The following EPB41L1 variants were observed in gnomAD, a reference collection of about 807,000 sequenced individuals.
EPB41L1 encodes erythrocyte membrane protein band 4.1 like 1, also known as band 4.1-like protein 1.
Under a neutral mutation model 97.8 loss-of-function variants are expected in EPB41L1, and 29 were observed. The ratio of observed to expected loss-of-function variants is 0.30; its 90% CI spans 0.22 to 0.40. EPB41L1 has a LOEUF of 0.40. Ranked by LOEUF, EPB41L1 falls within the 10% of genes least tolerant of loss-of-function variation. The probability of loss-of-function intolerance (pLI) is 1.00; values close to 1 mark genes in which losing one functional copy is unlikely to be tolerated. For synonymous variants in EPB41L1, 383 were observed against 459.2 expected (o/e 0.83, Z 2.12); for missense variants, 812 against 1,162.3 (o/e 0.70, Z 4.38).
chr20:36,115,050 C>A (rs1188995379), intron 2 of EPB41L1, among the ~76,000 whole-genome samples: 2 of 152,180 alleles, frequency 1.3e-5, no homozygotes, highest in Admixed American at 6.5e-5. Context: ...ATAACAATAG[C>A]TAATGTGCAT....
In EPB41L1 at chr20:36,173,572, C is replaced by G. The variant is rs548672223; in HGVS notation, c.-14-192C>G. Among the ~76,000 whole-genome samples the G allele has an allele frequency of 7.9e-5, 12 of 152,278 alleles. No individual in the cohort carries two copies. In the East Asian group the frequency reaches 2.3e-3, roughly 29 times the overall value. ...GTGGGAGGGGTGCCTGTGACTTCAG[C>G]CACTAACCCCTCACCTCCCATGACC... On this transcript the variant is annotated intron_variant, in intron 1 of 21. Transcript: ENST00000338074.
rs1447598597 is a variant in EPB41L1, at chr20:36,197,967, T to C, written c.1594T>C (p.Trp532Arg). 3 of 1,613,962 alleles carry C rather than the reference T, an allele frequency of 1.9e-6. No homozygotes were observed. The East Asian group carries it at 6.7e-5, about 36-fold the overall frequency. Residue 532 changes from tryptophan to arginine, a missense_variant, in exon 14 of 22, where the codon TGG becomes CGG. Physicochemically the swap from Trp to Arg is moderately radical, Grantham distance 101. Coordinates refer to ENST00000338074, the MANE Select transcript of EPB41L1 (RefSeq NM_012156.2). ...NSKLIHRDRD[W>R]ERERRLPSSP... is the part of the protein sequence containing the mutation. ...CAAACTCATCCACCGGGATCGAGAC[T>C]GGGAACGGGAGCGCAGGCTGCCCTC...
At chr20:36,159,902 T>A (rs116787775) in intron 1 of EPB41L1, among the ~76,000 whole-genome samples, 1,852 of 152,318 alleles carry the variant, frequency 0.012, 34 homozygotes, top group African/African-American at 0.043. Context: ...CCAGCTGTAA[T>A]GTGGATAGTC....
At chr20:36,139,927 C>A (rs2059571907) in intron 2 of EPB41L1, among the ~76,000 whole-genome samples, 1 of 152,050 alleles carries the variant, frequency 6.6e-6, no homozygotes, top group East Asian at 1.9e-4. Context: ...GATGGAGTTT[C>A]TCCATGTTGG....
In EPB41L1 at chr20:36,206,941, C is replaced by A. The variant is rs370703175; in HGVS notation, c.1669-2547C>A. The A allele has an allele frequency of 6.1e-5, 79 of 1,289,832 alleles. 1 individual carries two copies. In the South Asian group the frequency reaches 8.5e-4, roughly 14 times the overall value. The allele number at this position is 1,289,832 out of a possible 1,614,324, so 79.9% of individuals were successfully genotyped here. On this transcript the variant is annotated intron_variant, in intron 14 of 21. Transcript: ENST00000338074. This position sits in a 1 kb window ranked among gnomAD's most constrained non-coding sequence, Gnocchi z 5.5. The stretch of plus-strand genomic sequence containing the variant: ...GGCCTGCGCCCTTCCTCGGGCCATC[C>A]CTCTGAATGTCAGGAAGCCAGTCAA...
At chr20:36,158,877 T>C (rs1439887633) in intron 1 of EPB41L1, among the ~76,000 whole-genome samples, 1 of 152,226 alleles carries the variant, frequency 6.6e-6, no homozygotes, top group African/African-American at 2.4e-5. Context: ...GTGTTTCGAC[T>C]TGACGTGAGC....
intron 3 of EPB41L1, among the ~76,000 whole-genome samples, chr20:36,177,027 C>T (rs755328055): frequency 2.2e-4 from 34 of 152,166 alleles, no homozygotes; most frequent in Non-Finnish European, 4.0e-4. Context: ...CCTTGATGGG[C>T]CCCAAGATGC....
intron 21 of EPB41L1, among the ~76,000 whole-genome samples, chr20:36,228,834 T>C (rs756659614): frequency 2.0e-5 from 3 of 151,576 alleles, no homozygotes; most frequent in Non-Finnish European, 2.9e-5. Context: ...TCTGCAATCG[T>C]GACTAAACAT....
At chr20:36,103,913 C>G (rs1166237969) in intron 1 of EPB41L1, among the ~76,000 whole-genome samples, 1 of 152,016 alleles carries the variant, frequency 6.6e-6, no homozygotes, top group Admixed American at 6.6e-5. Flanking sequence ...ACCGTGTTAG[C>G]CAGGATGGTC....
intron 1 of EPB41L1, among the ~76,000 whole-genome samples, chr20:36,169,255 C>G (rs2060875104): frequency 6.6e-6 from 1 of 151,696 alleles, no homozygotes; most frequent in African/African-American, 2.4e-5. Flanking sequence ...AACTCCGGCT[C>G]AGAAAAGTGA....
At chr20:36,168,873 A>G (rs750753026) in intron 1 of EPB41L1, among the ~76,000 whole-genome samples, 5 of 151,570 alleles carry the variant, frequency 3.3e-5, no homozygotes, top group Non-Finnish European at 7.4e-5. Context: ...TCTCTGTGTT[A>G]TTTTCCTAAA....
At chr20:36,217,733 G>A (rs569517032) in intron 17 of EPB41L1, among the ~76,000 whole-genome samples, 6 of 152,184 alleles carry the variant, frequency 3.9e-5, no homozygotes, top group Non-Finnish European at 8.8e-5. Context: ...AGGTGCATCT[G>A]GGAACGTGCC....
At chr20:36,143,914 G>A (rs1223754173) in intron 2 of EPB41L1, among the ~76,000 whole-genome samples, 7 of 151,452 alleles carry the variant, frequency 4.6e-5, no homozygotes, top group Admixed American at 2.0e-4. Flanking sequence ...GTGCAGTGGC[G>A]CGATTTTGGC....
At chr20:36,176,449 T>A (rs145451124) in intron 3 of EPB41L1, among the ~76,000 whole-genome samples, 42 of 152,322 alleles carry the variant, frequency 2.8e-4, no homozygotes, top group African/African-American at 9.6e-4. Flanking sequence ...CTTCTCCGCA[T>A]GTGTGAAAGG....
At position 36,148,061 on chromosome 20, in the gene EPB41L1, C is replaced by G. The variant is rs558664589; in HGVS notation, c.-9-27490C>G. Among the ~76,000 whole-genome samples, 7 of 152,218 alleles carry G rather than the reference C, an allele frequency of 4.6e-5. No individual in the cohort carries two copies. The East Asian group carries it at 1.4e-3, about 29-fold the overall frequency. The stretch of plus-strand genomic sequence containing the variant: ...TCAGCCTCAGGAGTGTCCTGGCATC[C>G]TGGGTGGACTCCTGACTCCTACTTG... On this transcript the variant is annotated intron_variant, in intron 2 of 19. Transcript: ENST00000202028.
intron 21 of EPB41L1, among the ~76,000 whole-genome samples, chr20:36,225,445 G>C (rs2064071517): frequency 6.6e-6 from 1 of 152,170 alleles, no homozygotes; most frequent in East Asian, 1.9e-4. Context: ...GACCTGTATT[G>C]CCTGGGAATC....
intron 21 of EPB41L1, among the ~76,000 whole-genome samples, chr20:36,224,267 AAAG>A (rs1469065038): frequency 2.6e-5 from 4 of 152,240 alleles, no homozygotes; most frequent in African/African-American, 7.2e-5. Context: ...TAATATAAAA[AAAG>A]TAAATAATCT....
At chr20:36,158,271 C>T (rs942993817) in intron 1 of EPB41L1, among the ~76,000 whole-genome samples, 1 of 152,210 alleles carries the variant, frequency 6.6e-6, no homozygotes, top group African/African-American at 2.4e-5. Context: ...CAGTCAGATG[C>T]ATCCCTCTCC....
In EPB41L1 at chr20:36,092,673, G is replaced by C. The variant is rs187036331; in HGVS notation, c.-65+1061G>C. 6.6e-6 allele frequency: 1 copy of C among 151,814 alleles called. No individual in the cohort carries two copies. Among genetic ancestry groups the C allele is most frequent in the African/African-American group, 2.4e-5 (1 of 41,356 alleles). The allele number at this position is 151,814 out of a possible 1,614,324, so 9.4% of individuals were successfully genotyped here. On this transcript the variant is annotated intron_variant, in intron 1 of 19. Coordinates refer to the EPB41L1 transcript ENST00000202028. This position sits in a 1 kb window ranked among gnomAD's most constrained non-coding sequence, Gnocchi z 7.0. ...GGGCGAGGAGGGGGCTGAGCGCCGT[G>C]GGAGGGAGAGCAGGAGCGAGCGCGC...
Sources: gnomAD v4.1 joint callset for allele counts (sites outside exome capture counted in the v4.1 genomes callset) on GRCh38, gnomAD v4.1.1 for gene constraint, Gnocchi (gnomAD v3.1) non-coding constraint, MANE v1.5 for transcripts, NCBI Gene and HGNC (gene_info 2026-07-23, HGNC 2026-07-21) for gene names.